The following CLIP1 variants were observed in gnomAD, a reference collection of about 807,000 sequenced individuals.
The protein encoded by CLIP1 is CAP-Gly domain containing linker protein 1.
In CLIP1, 66 loss-of-function variants were observed where a neutral mutation model predicts 161.6. That is an observed-to-expected ratio of 0.41 (90% confidence interval 0.33 to 0.50). The LOEUF is 0.50. CLIP1 is among the 20% of genes least tolerant of loss of function. The probability of loss-of-function intolerance (pLI) is 0.27; values close to 1 mark genes in which losing one functional copy is unlikely to be tolerated. For missense variants in CLIP1, 1,376 were observed against 1,702.0 expected, an observed-to-expected ratio of 0.81 and a Z score of 3.37; for synonymous variants, 598 against 626.2, an observed-to-expected ratio of 0.96 and a Z score of 0.67.
chr12:122,390,512 A>G (rs1205932965), intron 1 of CLIP1, among the ~76,000 whole-genome samples: 1 of 151,236 alleles, frequency 6.6e-6, no homozygotes. Context: ...GAGTTTGGAC[A>G]TGTTGGCTAG....
rs1440220845 is a variant in CLIP1 at position 122,340,739 on chromosome 12, A to T, written c.2451+14T>A. ...CAAATGGAAAAGAAAAGAATGGAGG[A>T]TGTCAATACAAACCTTGCTACTTTC... On this transcript the variant is annotated intron_variant, in intron 11 of 25. Transcript: ENST00000620786. 1.3e-6 allele frequency: 2 copies of T among 1,521,524 alleles called. No individual in the cohort carries two copies. The highest frequency in any genetic ancestry group is 2.8e-5 in the African/African-American group (2 of 71,614). 94.3% of individuals were successfully genotyped at this position (1,521,524 alleles called of 1,614,324 possible). A position where few individuals can be genotyped will look rare whatever the true frequency, so the allele number is the denominator to read the frequency against.
At chr12:122,364,694 C>CA in intron 3 of CLIP1, 3 of 489,128 alleles carry the variant, frequency 6.1e-6, no homozygotes, top group South Asian at 4.7e-5. Flanking sequence ...CGTGAGCCAC[C>CA]ACTCTTGGAC....
intron 1 of CLIP1, among the ~76,000 whole-genome samples, chr12:122,409,880 T>TA (rs1470007815): frequency 8.6e-5 from 13 of 150,474 alleles, no homozygotes; most frequent in South Asian, 2.1e-4. Context: ...TTTTATTTTT[T>TA]TTTTTTTTGA....
At chr12:122,332,203 G>A (rs1407016780) in intron 15 of CLIP1, among the ~76,000 whole-genome samples, 2 of 150,794 alleles carry the variant, frequency 1.3e-5, no homozygotes, top group African/African-American at 2.4e-5. Context: ...GCTGAAGCAG[G>A]AGAATTGCTT....
chr12:122,406,887 A>G (rs1307094289), intron 1 of CLIP1, among the ~76,000 whole-genome samples: 1 of 151,912 alleles, frequency 6.6e-6, no homozygotes, highest in African/African-American at 2.4e-5. Context: ...CCTACTACTT[A>G]GCACGCAGAA....
rs1162058665 is a variant in CLIP1, at chr12:122,392,736, CT to C, written c.-106-12179del. 2.0e-5 allele frequency among the ~76,000 whole-genome samples: 3 copies of C among 152,146 alleles called. No individual in the cohort carries two copies. The East Asian group carries it at 5.8e-4, about 29-fold the overall frequency. On this transcript the variant is annotated intron_variant, in intron 1 of 25. Coordinates refer to ENST00000620786, the MANE Select transcript of CLIP1 (RefSeq NM_001247997.2). ...TGTGAATTCAAAGGTTAAAGATTCACTTCTATTCTCCCTAATAAGAATACAT... is the reference window on the plus strand; with the variant it reads ...TGTGAATTCAAAGGTTAAAGATTCACTCTATTCTCCCTAATAAGAATACAT...
intron 11 of CLIP1, 81 bp from the exon 12 acceptor site, chr12:122,336,829 T>C (rs898358940): frequency 1.7e-6 from 1 of 588,466 alleles, no homozygotes; most frequent in Non-Finnish European, 2.8e-6. Context: ...AATAAACAAA[T>C]GTAAAAAACT....
intron 10 of CLIP1, among the ~76,000 whole-genome samples, chr12:122,345,506 G>A (rs1269017046): frequency 6.6e-6 from 1 of 151,458 alleles, no homozygotes; most frequent in African/African-American, 2.4e-5. Flanking sequence ...GAAATCTTTA[G>A]TTCAGAGGCC....
At chr12:122,316,476 G>A (rs1951275431) in intron 19 of CLIP1, among the ~76,000 whole-genome samples, 1 of 152,028 alleles carries the variant, frequency 6.6e-6, no homozygotes. Flanking sequence ...TCCCAGTGAT[G>A]GGATTACAGG....
intron 14 of CLIP1, 126 bp downstream of exon 14, chr12:122,333,901 A>T: frequency 1.6e-6 from 1 of 615,120 alleles, no homozygotes; most frequent in Non-Finnish European, 2.9e-6. Flanking sequence ...TCACATTGTT[A>T]TATCACCATG....
intron 20 of CLIP1, among the ~76,000 whole-genome samples, chr12:122,305,752 C>T (rs2136462948): frequency 6.6e-6 from 1 of 152,132 alleles, no homozygotes; most frequent in East Asian, 1.9e-4. Context: ...ACGTAATCAG[C>T]TGCCAGCTTG....
chr12:122,398,019 T>C (rs1955991891), intron 1 of CLIP1, among the ~76,000 whole-genome samples: 3 of 151,862 alleles, frequency 2.0e-5, no homozygotes, highest in Non-Finnish European at 4.4e-5. Context: ...AGTGGGCTTA[T>C]ATGGTATAGT....
rs141188866 is a variant in CLIP1 at position 122,300,007 on chromosome 12, C to T, written c.3594+9755G>A. Among the ~76,000 whole-genome samples, 878 of 152,306 alleles carry T rather than the reference C, an allele frequency of 5.8e-3. 11 individuals are homozygous for T. Among genetic ancestry groups the T allele is most frequent in the African/African-American group, 0.02 (833 of 41,578 alleles). ...GTGTGATAGCTCATGCCTGTAATCCCAGCACTTTGGGAGGCTAAGGCCAGA... is the reference window on the plus strand; with the variant it reads ...GTGTGATAGCTCATGCCTGTAATCCTAGCACTTTGGGAGGCTAAGGCCAGA... On this transcript the variant is annotated intron_variant, in intron 20 of 25. Transcript: ENST00000620786.
At chr12:122,369,170 C>T (rs534924905) in intron 3 of CLIP1, among the ~76,000 whole-genome samples, 1 of 152,076 alleles carries the variant, frequency 6.6e-6, no homozygotes, top group African/African-American at 2.4e-5. Context: ...AGGCATGTGC[C>T]ACCACGCCCG....
At chr12:122,278,678 G>A in intron 23 of CLIP1, 114 bp downstream of exon 23, 1 of 1,112,108 alleles carries the variant, frequency 9.0e-7, no homozygotes. Flanking sequence ...GAAGAGCTAA[G>A]GAGAGTCAGG....
chr12:122,347,656 T>TG (rs1952814159), intron 9 of CLIP1, among the ~76,000 whole-genome samples, 177 bp from the exon 10 acceptor site: 1 of 152,042 alleles, frequency 6.6e-6, no homozygotes, highest in African/African-American at 2.4e-5. Flanking sequence ...TGAGGATGAA[T>TG]ACCAGGGACA....
chr12:122,358,658 T>C (rs1953623723), intron 5 of CLIP1, among the ~76,000 whole-genome samples: 1 of 151,188 alleles, frequency 6.6e-6, no homozygotes, highest in Admixed American at 6.6e-5. Flanking sequence ...GATTGTTTGA[T>C]AAAATGTAAG....
intron 18 of CLIP1, 104 bp from the exon 19 acceptor site, chr12:122,316,959 T>A: frequency 1.4e-6 from 1 of 717,502 alleles, no homozygotes; most frequent in Non-Finnish European, 2.2e-6. Context: ...CAGATGAAAT[T>A]AGTCACTCGC....
intron 3 of CLIP1, among the ~76,000 whole-genome samples, chr12:122,372,562 G>A (rs1373663414): frequency 2.0e-5 from 3 of 151,372 alleles, no homozygotes. Context: ...ACTCCAGCTG[G>A]GCAAAAGAGC....
Sources: allele counts gnomAD v4.1 joint callset (sites outside exome capture counted in the v4.1 genomes callset), GRCh38; gene constraint gnomAD v4.1.1; transcripts MANE v1.5; gene names NCBI Gene and HGNC (gene_info 2026-07-23, HGNC 2026-07-21).